WDR41: variants seen among roughly 807,000 people sequenced by gnomAD.
WDR41 encodes WD repeat-containing protein 41.
A neutral mutation model predicts 69.3 loss-of-function variants in WDR41; 63 were observed. That is an observed-to-expected ratio of 0.91 (90% CI 0.74 to 1.12). The LOEUF is 1.12. Ranked by LOEUF, WDR41 falls within the 50% of genes most tolerant of loss-of-function variation. WDR41 has a pLI of 0.00. For synonymous variants in WDR41, 185 were observed against 192.1 expected (o/e 0.96, Z 0.31); for missense variants, 543 against 534.5 (o/e 1.02, Z -0.16).
At chr5:77,467,146 T>A (rs1800341955) in intron 2 of WDR41, among the ~76,000 whole-genome samples, 1 of 151,700 alleles carries the variant, frequency 6.6e-6, no homozygotes, top group Non-Finnish European at 1.5e-5. Flanking sequence ...AACTATAAAA[T>A]AAAAAAAGGA....
In WDR41 at chr5:77,445,040, C is replaced by T. The variant is rs1004988279; in HGVS notation, c.698-4043G>A. On this transcript the variant is annotated intron_variant, in intron 8 of 12. Transcript: ENST00000296679. ...AAATTAAAATAGACCACTAGCTAGACTTATAAAGACGAAAAGAGAGAAGAA... is the reference window on the plus strand; with the variant it reads ...AAATTAAAATAGACCACTAGCTAGATTTATAAAGACGAAAAGAGAGAAGAA... Among the ~76,000 whole-genome samples the T allele has an allele frequency of 3.3e-5, 5 of 151,988 alleles. No homozygotes were observed. In the South Asian group the frequency reaches 8.3e-4, roughly 25 times the overall value.
intron 1 of WDR41, among the ~76,000 whole-genome samples, chr5:77,491,575 T>C (rs1332489846): frequency 6.6e-6 from 1 of 152,196 alleles, no homozygotes; most frequent in Non-Finnish European, 1.5e-5. Flanking sequence ...TTCGGGCCCA[T>C]GAAGAAAGTG....
intron 1 of WDR41, among the ~76,000 whole-genome samples, chr5:77,585,391 C>T (rs1289388509): frequency 6.6e-6 from 1 of 152,184 alleles, no homozygotes; most frequent in Non-Finnish European, 1.5e-5. Flanking sequence ...TAAACTAGTA[C>T]AGCTGCTATG....
At chr5:77,567,483 A>G (rs1330988282) in intron 1 of WDR41, among the ~76,000 whole-genome samples, 1 of 152,022 alleles carries the variant, frequency 6.6e-6, no homozygotes, top group African/African-American at 2.4e-5. Flanking sequence ...CACCACTTCC[A>G]TCCTCACAGA....
chr5:77,492,100 G>T, intron 1 of WDR41, 70 bp downstream of exon 1: 1 of 1,575,250 alleles, frequency 6.3e-7, no homozygotes, highest in Non-Finnish European at 8.7e-7. Flanking sequence ...AACCCAGGAA[G>T]GCCGAACCGG....
At chr5:77,490,636 C>T (rs1581767389) in intron 1 of WDR41, among the ~76,000 whole-genome samples, 1 of 151,866 alleles carries the variant, frequency 6.6e-6, no homozygotes, top group East Asian at 1.9e-4. Flanking sequence ...TGTATTTATT[C>T]TGTCTTCCTT....
intron 1 of WDR41, chr5:77,546,319 A>C: frequency 1.5e-5 from 4 of 260,170 alleles, no homozygotes; most frequent in Admixed American, 5.4e-5. Context: ...AAAAAGATAA[A>C]TCAAACAAAA....
chr5:77,476,680 A>T (rs997914144), intron 2 of WDR41, among the ~76,000 whole-genome samples: 10 of 151,930 alleles, frequency 6.6e-5, no homozygotes, highest in African/African-American at 2.4e-4. Flanking sequence ...GAAGTGCTAA[A>T]CATGGAAAGG....
chr5:77,516,336 C>G (rs1319796807), intron 1 of WDR41, among the ~76,000 whole-genome samples: 1 of 152,036 alleles, frequency 6.6e-6, no homozygotes, highest in Non-Finnish European at 1.5e-5. Flanking sequence ...AGAGGATGGA[C>G]AAAATGAATG....
At chr5:77,458,171 A>T (rs557393625) in intron 5 of WDR41, among the ~76,000 whole-genome samples, 5 of 152,248 alleles carry the variant, frequency 3.3e-5, no homozygotes, top group African/African-American at 4.8e-5. Context: ...ATGCCTTCTT[A>T]AAAAATCCAC....
At chr5:77,468,084 G>A (rs1800383371) in intron 2 of WDR41, among the ~76,000 whole-genome samples, 1 of 151,766 alleles carries the variant, frequency 6.6e-6, no homozygotes, top group Non-Finnish European at 1.5e-5. Flanking sequence ...AAATGACTAA[G>A]CAAAACTTAC....
Position 77,431,204 on chromosome 5 carries a change from AG to A in WDR41, c.*1930del, listed in dbSNP as rs1798709957. On this transcript the variant is annotated 3_prime_UTR_variant, in exon 13 of 13. Transcript: ENST00000296679. ...ATGTTACAGAGATCTCATTTGTGAA[AG>A]GAAGTCAATTGATTTGGAAAACTTC... The A allele has an allele frequency of 6.6e-6, 1 of 152,192 alleles. No individual in the cohort carries two copies. 9.4% of individuals were successfully genotyped at this position (152,192 alleles called of 1,614,324 possible). A position where few individuals can be genotyped will look rare whatever the true frequency, so the allele number is the denominator to read the frequency against.
intron 7 of WDR41, 88 bp from the exon 8 acceptor site, chr5:77,449,958 G>A: frequency 4.5e-6 from 4 of 879,738 alleles, no homozygotes; most frequent in Non-Finnish European, 7.2e-6. Context: ...ATTTCATTAA[G>A]TGAAAAATAC....
chr5:77,513,695 G>A (rs1015567329), intron 1 of WDR41, among the ~76,000 whole-genome samples: 2 of 152,016 alleles, frequency 1.3e-5, no homozygotes, highest in African/African-American at 2.4e-5. Context: ...TGTTTTAACC[G>A]AACAATTTCC....
Position 77,582,794 on chromosome 5 carries a change from T to C in WDR41, c.42+37685A>G. On this transcript the variant is annotated intron_variant, in intron 1 of 5. Coordinates refer to the WDR41 transcript ENST00000509971. ...ATGCTGAGGATTGTAGAGCCATATA[T>C]AGCATGGGGGTACCCCAATCTGAAG... is the stretch of plus-strand genomic sequence containing the variant. 3.1e-6 allele frequency: 5 copies of C among 1,600,942 alleles called. No individual in the cohort carries two copies. In the Admixed American group the frequency reaches 5.0e-5, roughly 16 times the overall value.
intron 1 of WDR41, among the ~76,000 whole-genome samples, chr5:77,547,422 G>A (rs925880164): frequency 5.3e-5 from 8 of 151,818 alleles, no homozygotes; most frequent in African/African-American, 1.7e-4. Flanking sequence ...ATTCAGCAAA[G>A]TTTCTGGATA....
intron 12 of WDR41, 43 bp downstream of exon 12, chr5:77,436,218 A>G (rs919059681): frequency 1.3e-6 from 2 of 1,586,660 alleles, no homozygotes; most frequent in Middle Eastern, 1.7e-4. Context: ...ATGAAATGCA[A>G]AAGCAGGAGT....
intron 1 of WDR41, among the ~76,000 whole-genome samples, chr5:77,536,896 AT>A (rs1163083836): frequency 6.6e-6 from 1 of 152,214 alleles, no homozygotes; most frequent in African/African-American, 2.4e-5. Context: ...ATAGTTCAGA[AT>A]TGTATTTTAA....
intron 1 of WDR41, among the ~76,000 whole-genome samples, chr5:77,523,451 G>A (rs1458909623): frequency 1.3e-5 from 2 of 152,088 alleles, no homozygotes; most frequent in East Asian, 1.9e-4. Flanking sequence ...AAACAAAGGA[G>A]TAAAGGGAGA....
Sources: gnomAD v4.1 joint callset for allele counts (sites outside exome capture counted in the v4.1 genomes callset) on GRCh38, gnomAD v4.1.1 for gene constraint, MANE v1.5 for transcripts, NCBI Gene and HGNC (gene_info 2026-07-23, HGNC 2026-07-21) for gene names.